PLXNA4: variants seen among roughly 807,000 people sequenced by gnomAD.
PLXNA4 encodes the protein plexin-A4.
PLXNA4 carries 44 observed loss-of-function variants against 191.8 expected under a neutral mutation model. The observed-to-expected ratio is 0.23, with a 90% confidence interval of 0.18 to 0.29. PLXNA4 has a LOEUF of 0.29. Among genes scored for constraint, PLXNA4 ranks in the 10% least tolerant of loss-of-function variants. The probability of loss-of-function intolerance (pLI) is 1.00; values close to 1 mark genes in which losing one functional copy is unlikely to be tolerated. For missense variants in PLXNA4, 1,800 were observed against 2,488.8 expected (o/e 0.72, Z 5.89); for synonymous variants, 1,082 against 1,009.5 (o/e 1.07, Z -1.36).
intron 3 of PLXNA4, among the ~76,000 whole-genome samples, chr7:132,332,891 A>G (rs1042711515): frequency 6.6e-6 from 1 of 151,810 alleles, no homozygotes; most frequent in Non-Finnish European, 1.5e-5. Context: ...AGGACAGGAC[A>G]TCCATGTTTA....
In PLXNA4 at chr7:132,343,004, G is replaced by A. The variant is rs113082850; in HGVS notation, c.1372-44782C>T. ...AAGAAGATATTTACACAAGGGATGG[G>A]GGATACTGGCATCTGGCAGAAGTCC... is the stretch of plus-strand genomic sequence containing the variant. On this transcript the variant is annotated intron_variant, in intron 3 of 31. Transcript: ENST00000321063. Among the ~76,000 whole-genome samples the A allele has an allele frequency of 3.3e-3, 496 of 151,760 alleles. 1 individual carries two copies. The highest frequency in any genetic ancestry group is 0.011 in the African/African-American group (460 of 41,420).
chr7:132,208,074 T>C (rs1327056134), intron 10 of PLXNA4, among the ~76,000 whole-genome samples: 1 of 152,190 alleles, frequency 6.6e-6, no homozygotes, highest in Non-Finnish European at 1.5e-5. Flanking sequence ...TTTCTGTAAC[T>C]ATGGTGGGGG....
chr7:132,131,289 T>G (rs1794918222), intron 31 of PLXNA4, among the ~76,000 whole-genome samples: 1 of 152,080 alleles, frequency 6.6e-6, no homozygotes, highest in South Asian at 2.1e-4. Flanking sequence ...GAGTAAAGGC[T>G]CTGCCAGTTT....
intron 3 of PLXNA4, among the ~76,000 whole-genome samples, chr7:132,434,803 G>A (rs1345356908): frequency 5.3e-5 from 8 of 152,286 alleles, no homozygotes; most frequent in Middle Eastern, 3.4e-3. Flanking sequence ...CAGCCTTGAC[G>A]GGTACAGATG....
intron 4 of PLXNA4, among the ~76,000 whole-genome samples, chr7:132,283,289 T>C (rs369910193): frequency 1.3e-5 from 2 of 152,146 alleles, no homozygotes; most frequent in South Asian, 4.1e-4. Flanking sequence ...TTGAGAACTA[T>C]GTAACTGGCA....
intron 9 of PLXNA4, among the ~76,000 whole-genome samples, chr7:132,220,491 C>T (rs1030596090): frequency 6.6e-6 from 1 of 152,162 alleles, no homozygotes; most frequent in African/African-American, 2.4e-5. Context: ...TCCAAACTAC[C>T]CCAGAGCCCC....
intron 4 of PLXNA4, among the ~76,000 whole-genome samples, chr7:132,251,320 C>A (rs1260697204): frequency 1.3e-5 from 2 of 152,154 alleles, no homozygotes; most frequent in African/African-American, 4.8e-5. Flanking sequence ...AAGACTATGG[C>A]CCCTTCTGAA....
At chr7:132,444,504 T>C (rs369621869) in intron 3 of PLXNA4, among the ~76,000 whole-genome samples, 1 of 152,216 alleles carries the variant, frequency 6.6e-6, no homozygotes, top group African/African-American at 2.4e-5. Context: ...GTGCTGGGAT[T>C]ACAGATGTGA....
At chr7:132,421,923 T>C (rs190848744) in intron 3 of PLXNA4, among the ~76,000 whole-genome samples, 7 of 152,324 alleles carry the variant, frequency 4.6e-5, no homozygotes, top group Middle Eastern at 3.4e-3. Flanking sequence ...GGCAAGCCAA[T>C]GTCTTTCTGT....
intron 3 of PLXNA4, among the ~76,000 whole-genome samples, chr7:132,444,798 C>T (rs1795833963): frequency 6.6e-6 from 1 of 152,006 alleles, no homozygotes. Context: ...GTAGACCATG[C>T]ATGCAAAATC....
At chr7:132,180,891 C>A (rs1353714267) in intron 18 of PLXNA4, among the ~76,000 whole-genome samples, 159 bp from the exon 19 acceptor site, 1 of 152,218 alleles carries the variant, frequency 6.6e-6, no homozygotes, top group African/African-American at 2.4e-5. Context: ...GCATGACTAC[C>A]ACCATTGCCT....
At chr7:132,334,369 TGC>T (rs990635822) in intron 3 of PLXNA4, among the ~76,000 whole-genome samples, 8 of 147,736 alleles carry the variant, frequency 5.4e-5, no homozygotes, top group African/African-American at 2.0e-4. Flanking sequence ...ATGATCCTCC[TGC>T]CATAGCCTCC....
At chr7:132,499,640 T>C (rs1448751145) in intron 2 of PLXNA4, among the ~76,000 whole-genome samples, 1 of 152,046 alleles carries the variant, frequency 6.6e-6, no homozygotes, top group Non-Finnish European at 1.5e-5. Context: ...AGTTTGTGTG[T>C]TTTCTGGTGG....
At chr7:132,496,849 G>A (rs186679378) in intron 2 of PLXNA4, among the ~76,000 whole-genome samples, 3 of 152,238 alleles carry the variant, frequency 2.0e-5, no homozygotes, top group South Asian at 4.1e-4. Flanking sequence ...TGAGTGCTCT[G>A]CCATCTCCAG....
chr7:132,544,206 G>A (rs73158892), intron 1 of PLXNA4, among the ~76,000 whole-genome samples: 15,743 of 152,198 alleles, frequency 0.1, 1,108 homozygotes, highest in Non-Finnish European at 0.14. Flanking sequence ...TCATGAGACA[G>A]CTCAAAGAAA....
chr7:132,529,573 T>C (rs1238018412), intron 1 of PLXNA4, among the ~76,000 whole-genome samples: 5 of 151,510 alleles, frequency 3.3e-5, no homozygotes, highest in Admixed American at 6.6e-5. Context: ...AGGGCAGACA[T>C]CAATATTTTT....
chr7:132,278,827 A>C (rs1030796187), intron 4 of PLXNA4, among the ~76,000 whole-genome samples: 1 of 152,190 alleles, frequency 6.6e-6, no homozygotes, highest in Non-Finnish European at 1.5e-5. Context: ...GATTTGCCTG[A>C]GGTTTATGTC....
rs1411345033 is a variant in PLXNA4, at chr7:132,123,616, TC to T, written c.*6862del. The T allele has an allele frequency of 6.6e-6, 1 of 152,184 alleles. No individual in the cohort carries two copies. Among genetic ancestry groups the T allele is most frequent in the African/African-American group, 2.4e-5 (1 of 41,448 alleles). 9.4% of individuals were successfully genotyped at this position (152,184 alleles called of 1,614,324 possible). ...GAAGACCCTCTTCTTAGAGATCTCA[TC>T]CACATACATTTGAGGCTCATTTTAA... On this transcript the variant is annotated 3_prime_UTR_variant, in exon 32 of 32. Coordinates refer to ENST00000321063, the MANE Select transcript of PLXNA4 (RefSeq NM_020911.2).
At chr7:132,213,649 G>A (rs972002194) in intron 9 of PLXNA4, among the ~76,000 whole-genome samples, 1 of 152,162 alleles carries the variant, frequency 6.6e-6, no homozygotes, top group Non-Finnish European at 1.5e-5. Context: ...TCAGAACTGG[G>A]GCGGGAGGAG....
Sources: gnomAD v4.1 joint callset for allele counts (sites outside exome capture counted in the v4.1 genomes callset) on GRCh38, gnomAD v4.1.1 for gene constraint, MANE v1.5 for transcripts, NCBI Gene and HGNC (gene_info 2026-07-23, HGNC 2026-07-21) for gene names.